MACROD1: variants seen among roughly 807,000 people sequenced by gnomAD.
The protein encoded by MACROD1 is ADP-ribose glycohydrolase MACROD1.
MACROD1 carries 31 observed loss-of-function variants against 41.4 expected under a neutral mutation model. The ratio of observed to expected loss-of-function variants is 0.75; its 90% confidence interval spans 0.56 to 1.01. MACROD1 has a LOEUF of 1.01. Ranked by LOEUF, MACROD1 falls within the 50% of genes least tolerant of loss-of-function variation. The probability of loss-of-function intolerance (pLI) is 0.00; values close to 1 mark genes in which losing one functional copy is unlikely to be tolerated. For synonymous variants in MACROD1, 252 were observed against 203.4 expected (o/e 1.24, Z -2.03); for missense variants, 473 against 460.0 (o/e 1.03, Z -0.26).
intron 1 of MACROD1, among the ~76,000 whole-genome samples, chr11:64,153,199 G>GCC (rs1378286697): frequency 6.6e-6 from 1 of 152,096 alleles, no homozygotes; most frequent in Non-Finnish European, 1.5e-5. Flanking sequence ...TCTCAGAAGG[G>GCC]CCCGCCCCGA....
chr11:64,025,365 T>C lies in MACROD1; in HGVS notation c.518-10084A>G, dbSNP rs946667870. On this transcript the variant is annotated intron_variant, in intron 3 of 10. Transcript: ENST00000255681. ...GCTCCCCCTGACTCCCAGATCCCCATCCCAGGAGGCGTGGCTGCTGTGGCC... is the reference window on the plus strand; with the variant it reads ...GCTCCCCCTGACTCCCAGATCCCCACCCCAGGAGGCGTGGCTGCTGTGGCC... Among the ~76,000 whole-genome samples the C allele has an allele frequency of 4.6e-5, 7 of 152,240 alleles. No homozygotes were observed. The South Asian group carries it at 1.5e-3, about 32-fold the overall frequency.
rs571438887 is a variant in MACROD1, at chr11:64,082,193, C to T, written c.518-66912G>A. ...GGAGCAGGCCAGAGCCAGGAGCAGG[C>T]GCGAAACATCCCTTAAATATTGGTG... On this transcript the variant is annotated intron_variant, in intron 3 of 10. Coordinates refer to ENST00000255681, the MANE Select transcript of MACROD1 (RefSeq NM_014067.4). The surrounding 1 kb of genome is among the most constrained non-coding windows in gnomAD (Gnocchi z 4.5). 2.2e-4 allele frequency among the ~76,000 whole-genome samples: 34 copies of T among 152,218 alleles called. No individual in the cohort carries two copies. The highest frequency in any genetic ancestry group is 7.2e-4 in the African/African-American group (30 of 41,538).
At position 63,999,324 on chromosome 11, in the gene MACROD1, G is replaced by GACTC. The variant is rs773538445; in HGVS notation, c.891+3_891+6dup. The GACTC allele has an allele frequency of 3.3e-5, 51 of 1,562,956 alleles. No individual in the cohort carries two copies. The highest frequency in any genetic ancestry group is 3.9e-5 in the Non-Finnish European group (45 of 1,160,834). On this transcript the variant is annotated splice_region_variant and intron_variant, in intron 8 of 10. Coordinates refer to ENST00000255681, the MANE Select transcript of MACROD1 (RefSeq NM_014067.4). Reference sequence around the variant, plus strand: ...GGACCCCACCCTCGCCCGGGCCCAGGACTCACCTTGTCCTTGTGCTGCTCC... The same window carrying GACTC: ...GGACCCCACCCTCGCCCGGGCCCAGGACTCACTCACCTTGTCCTTGTGCTGCTCC...
At chr11:64,016,169 C>T (rs1943079095) in intron 3 of MACROD1, among the ~76,000 whole-genome samples, 1 of 152,232 alleles carries the variant, frequency 6.6e-6, no homozygotes, top group South Asian at 2.1e-4. Flanking sequence ...ATCGGCTGCC[C>T]CTCGCCACCA....
chr11:64,117,140 C>G, intron 3 of MACROD1: 1 of 1,613,576 alleles, frequency 6.2e-7, no homozygotes, highest in Non-Finnish European at 8.5e-7. Context: ...ACACGCTGGC[C>G]AAGATGCGTG....
chr11:64,013,953 A>C (rs1321504111), intron 4 of MACROD1, among the ~76,000 whole-genome samples: 2 of 151,382 alleles, frequency 1.3e-5, no homozygotes, highest in Non-Finnish European at 2.9e-5. Context: ...AGGGACAGGC[A>C]CTCCTCATCA....
In MACROD1 at chr11:64,152,335, A is replaced by G; in HGVS notation, c.357T>C (p.Phe119=). ...QREEHYFCKD[F]VRLKKIPTWK... Reference sequence around the variant, plus strand: ...ATGTCGGGATCTTCTTCAGCCTGACAAAGTCCTTGCAGAAGTAATGTTCCT... The same window carrying G: ...ATGTCGGGATCTTCTTCAGCCTGACGAAGTCCTTGCAGAAGTAATGTTCCT... The change falls in exon 2 of 11, where the codon TTT becomes TTC. Residue 119 remains phenylalanine (F), a synonymous_variant. Transcript: ENST00000255681. The G allele has an allele frequency of 6.2e-7, 1 of 1,614,260 alleles. No individual in the cohort carries two copies. Among genetic ancestry groups the G allele is most frequent in the Non-Finnish European group, 8.5e-7 (1 of 1,180,044 alleles).
At chr11:64,080,803 C>T (rs1240126692) in intron 3 of MACROD1, among the ~76,000 whole-genome samples, 5 of 152,068 alleles carry the variant, frequency 3.3e-5, no homozygotes, top group South Asian at 4.2e-4. Flanking sequence ...GCAGTGTCCT[C>T]GGGCTCAGTG....
intron 3 of MACROD1, among the ~76,000 whole-genome samples, chr11:64,049,555 G>T (rs9666077): frequency 0.2 from 30,634 of 152,240 alleles, 7,386 homozygotes; most frequent in African/African-American, 0.56. Flanking sequence ...CTTGGTCTCC[G>T]AGCTCAGCTG....
intron 3 of MACROD1, among the ~76,000 whole-genome samples, chr11:64,127,718 A>G (rs914434056): frequency 2.0e-5 from 3 of 152,176 alleles, no homozygotes; most frequent in Non-Finnish European, 1.5e-5. Flanking sequence ...AGCAGGAGCT[A>G]TGGGTTATCC....
chr11:64,121,303 G>A (rs373497966), intron 3 of MACROD1, among the ~76,000 whole-genome samples: 17 of 152,302 alleles, frequency 1.1e-4, no homozygotes, highest in East Asian at 7.7e-4. Context: ...GGCGGGGCTC[G>A]GCCCCTCTTA....
At chr11:64,061,335 C>T (rs1301410103) in intron 3 of MACROD1, among the ~76,000 whole-genome samples, 1 of 152,214 alleles carries the variant, frequency 6.6e-6, no homozygotes, top group Admixed American at 6.5e-5. Flanking sequence ...TGAGCCTCCG[C>T]CCCCAGCCCG....
chr11:64,144,504 G>A (rs967379805), intron 3 of MACROD1, among the ~76,000 whole-genome samples: 1 of 152,226 alleles, frequency 6.6e-6, no homozygotes, highest in Non-Finnish European at 1.5e-5. Context: ...CCCGAAAATG[G>A]GGTAACAATC....
chr11:64,108,828 G>A (rs567635754), intron 3 of MACROD1, among the ~76,000 whole-genome samples: 28 of 152,308 alleles, frequency 1.8e-4, no homozygotes, highest in Non-Finnish European at 3.7e-4. Flanking sequence ...CTGGGGGCTG[G>A]GAAGTGGGGG....
At chr11:64,012,425 G>A (rs1233120626) in intron 4 of MACROD1, among the ~76,000 whole-genome samples, 2 of 149,728 alleles carry the variant, frequency 1.3e-5, no homozygotes, top group East Asian at 3.9e-4. Flanking sequence ...TTTTGAGACA[G>A]GGTCTCGCTG....
chr11:64,006,750 C>T (rs1187478084), intron 4 of MACROD1, among the ~76,000 whole-genome samples: 1 of 152,136 alleles, frequency 6.6e-6, no homozygotes, highest in East Asian at 1.9e-4. Context: ...TACACAGGGG[C>T]CAGCTGCGGG....
intron 3 of MACROD1, among the ~76,000 whole-genome samples, chr11:64,129,280 T>G (rs554177984): frequency 1.4e-4 from 22 of 152,370 alleles, no homozygotes; most frequent in Non-Finnish European, 3.1e-4. Flanking sequence ...TTACCACATG[T>G]GCTACTCATC....
chr11:64,153,109 C>A (rs115870778), intron 1 of MACROD1, among the ~76,000 whole-genome samples: 1 of 151,988 alleles, frequency 6.6e-6, no homozygotes, highest in Non-Finnish European at 1.5e-5. Flanking sequence ...CCACCCTGGC[C>A]GGCTCCCCTT....
intron 1 of MACROD1, among the ~76,000 whole-genome samples, chr11:64,160,896 G>A (rs1411129816): frequency 1.3e-5 from 2 of 152,002 alleles, no homozygotes; most frequent in Non-Finnish European, 2.9e-5. Context: ...GTGGGGGCCG[G>A]GATGGTGGCT....
Sources: gnomAD v4.1 joint callset for allele counts (sites outside exome capture counted in the v4.1 genomes callset) on GRCh38, gnomAD v4.1.1 for gene constraint, Gnocchi (gnomAD v3.1) non-coding constraint, MANE v1.5 for transcripts, NCBI Gene and HGNC (gene_info 2026-07-23, HGNC 2026-07-21) for gene names.